Variants in BABAM2 observed in about 807,000 individuals in gnomAD.
BABAM2 encodes the protein BRISC and BRCA1-A complex member 2.
In BABAM2, 31 loss-of-function variants were observed where a neutral mutation model predicts 54.7. The observed-to-expected ratio is 0.57, with a 90% CI of 0.43 to 0.77. BABAM2 has a LOEUF of 0.77. Among genes scored for constraint, BABAM2 ranks in the 30% least tolerant of loss-of-function variants. BABAM2 has a pLI of 0.00. For synonymous variants in BABAM2, 167 were observed against 162.9 expected (o/e 1.03, Z -0.19); for missense variants, 364 against 455.8 (o/e 0.80, Z 1.83).
At chr2:28,244,437 TGTATA>T (rs1487463231) in intron 9 of BABAM2, among the ~76,000 whole-genome samples, 1 of 129,818 alleles carries the variant, frequency 7.7e-6, no homozygotes, top group Non-Finnish European at 1.7e-5. Flanking sequence ...AACTCACATT[TGTATA>T]GTATTTTATG....
intron 2 of BABAM2, among the ~76,000 whole-genome samples, chr2:27,921,393 C>T (rs533314824): frequency 2.3e-4 from 35 of 152,058 alleles, no homozygotes; most frequent in African/African-American, 8.0e-4. Flanking sequence ...TATAGTTCAC[C>T]AATTATGAGA....
At chr2:28,158,031 C>T (rs1672716253) in intron 7 of BABAM2, among the ~76,000 whole-genome samples, 1 of 152,104 alleles carries the variant, frequency 6.6e-6, no homozygotes, top group Admixed American at 6.5e-5. Context: ...AGCTTTTCTT[C>T]TATGTGTCAG....
At chr2:28,234,985 A>G (rs1681768232) in intron 7 of BABAM2, among the ~76,000 whole-genome samples, 1 of 152,266 alleles carries the variant, frequency 6.6e-6, no homozygotes, top group African/African-American at 2.4e-5. Context: ...TGCAGAATGC[A>G]GATGATTCAT....
At chr2:28,076,797 C>G (rs759675450) in intron 6 of BABAM2, among the ~76,000 whole-genome samples, 1 of 152,124 alleles carries the variant, frequency 6.6e-6, no homozygotes, top group Non-Finnish European at 1.5e-5. Flanking sequence ...GCCACCGCGC[C>G]CAGCCCATTG....
rs566251909 is a variant in BABAM2 at position 28,269,427 on chromosome 2, A to G, written c.934+24565A>G. ...TGGACTGGGGTTATCAGAAAACTCA[A>G]TCTGTCCAACCATGGATAAAAATCA... On this transcript the variant is annotated intron_variant, in intron 10 of 11. Coordinates refer to ENST00000379624, the MANE Select transcript of BABAM2 (RefSeq NM_199191.3). Among the ~76,000 whole-genome samples the G allele has an allele frequency of 2.6e-5, 4 of 152,296 alleles. No homozygotes were observed. In the East Asian group the frequency reaches 7.7e-4, roughly 29 times the overall value.
chr2:28,159,198 T>A (rs878983762), intron 7 of BABAM2, among the ~76,000 whole-genome samples: 6 of 152,230 alleles, frequency 3.9e-5, no homozygotes, highest in Admixed American at 3.9e-4. Context: ...TGTCAGACAG[T>A]CTACTGACAC....
chr2:28,083,165 C>G (rs1376638177), intron 6 of BABAM2, among the ~76,000 whole-genome samples: 1 of 152,168 alleles, frequency 6.6e-6, no homozygotes, highest in African/African-American at 2.4e-5. Flanking sequence ...TCTAAAATAT[C>G]AGTACTCTCT....
In BABAM2 at chr2:27,958,904, CTG is replaced by C. The variant is rs1185072484; in HGVS notation, c.205+29000_205+29001del. On this transcript the variant is annotated intron_variant, in intron 3 of 11. Transcript: ENST00000379624. ...GGAGTGCCTTGGGCTCAATGTGGCT[CTG>C]TGTTCGTGAGTTCTGAATCTCAAGA... Among the ~76,000 whole-genome samples the C allele has an allele frequency of 6.6e-5, 10 of 152,098 alleles. No homozygotes were observed. The East Asian group carries it at 1.9e-3, about 29-fold the overall frequency.
At chr2:28,238,828 A>G (rs1012149079) in intron 8 of BABAM2, among the ~76,000 whole-genome samples, 5 of 72,298 alleles carry the variant, frequency 6.9e-5, no homozygotes, top group Admixed American at 3.9e-4. Context: ...ATTTCTAGTC[A>G]TACATTTTCC....
intron 11 of BABAM2, among the ~76,000 whole-genome samples, chr2:28,317,166 G>C (rs986610371): frequency 6.6e-6 from 1 of 152,190 alleles, no homozygotes; most frequent in Admixed American, 6.5e-5. Context: ...TCTACCAGCC[G>C]GCTCATGGCC....
chr2:28,248,887 G>A (rs1219117311), intron 10 of BABAM2, among the ~76,000 whole-genome samples: 1 of 151,994 alleles, frequency 6.6e-6, no homozygotes, highest in African/African-American at 2.4e-5. Flanking sequence ...TGAGTTCTGA[G>A]TTTACTAAGA....
Position 28,031,992 on chromosome 2 carries a change from T to G in BABAM2, c.495+6572T>G, listed in dbSNP as rs1239097637. On this transcript the variant is annotated intron_variant, in intron 5 of 11. Coordinates refer to ENST00000379624, the MANE Select transcript of BABAM2 (RefSeq NM_199191.3). ...ATGAAATAAATGGATATTTTTTAAT[T>G]AAAACATGAAAATAGTATATTCTCT... Among the ~76,000 whole-genome samples, 4 of 152,216 alleles carry G rather than the reference T, an allele frequency of 2.6e-5. No individual in the cohort carries two copies. In the East Asian group the frequency reaches 5.8e-4, roughly 22 times the overall value.
intron 4 of BABAM2, among the ~76,000 whole-genome samples, chr2:27,997,132 C>T (rs1163880090): frequency 6.6e-6 from 1 of 151,992 alleles, no homozygotes; most frequent in Non-Finnish European, 1.5e-5. Context: ...ATAAAATGTT[C>T]AATAACAAAT....
chr2:28,076,068 A>G (rs1664630561), intron 6 of BABAM2, among the ~76,000 whole-genome samples: 1 of 152,138 alleles, frequency 6.6e-6, no homozygotes, highest in Non-Finnish European at 1.5e-5. Context: ...GTTAGAGAGC[A>G]GCCTGTGCAA....
At chr2:28,061,590 A>G (rs1260220320) in intron 6 of BABAM2, among the ~76,000 whole-genome samples, 2 of 150,762 alleles carry the variant, frequency 1.3e-5, no homozygotes, top group African/African-American at 2.4e-5. Flanking sequence ...GTCTCAAAAA[A>G]AAAAAAAAAA....
At chr2:28,226,354 A>C (rs1186612283) in intron 7 of BABAM2, among the ~76,000 whole-genome samples, 1 of 152,192 alleles carries the variant, frequency 6.6e-6, no homozygotes, top group African/African-American at 2.4e-5. Context: ...ATTGGCTTTT[A>C]ATGTTCATTT....
chr2:27,970,680 A>G (rs1671144524), intron 3 of BABAM2, among the ~76,000 whole-genome samples: 1 of 152,164 alleles, frequency 6.6e-6, no homozygotes, highest in Non-Finnish European at 1.5e-5. Context: ...ATATTTATAT[A>G]TACCCAGTTG....
rs1021755839 is a variant in BABAM2, at chr2:28,166,446, T to C, written c.680+37066T>C. ...ACAGGAAGGACACATTTTGGGGGAG[T>C]AGGGGGAGGGGTGGATGCCAAACTA... On this transcript the variant is annotated intron_variant, in intron 7 of 11. Coordinates refer to ENST00000379624, the MANE Select transcript of BABAM2 (RefSeq NM_199191.3). Among the ~76,000 whole-genome samples the C allele has an allele frequency of 4.6e-5, 7 of 151,734 alleles. No homozygotes were observed. In the East Asian group the frequency reaches 1.2e-3, roughly 25 times the overall value.
At chr2:28,195,767 C>A (rs532882513) in intron 7 of BABAM2, among the ~76,000 whole-genome samples, 1 of 152,116 alleles carries the variant, frequency 6.6e-6, no homozygotes, top group Non-Finnish European at 1.5e-5. Context: ...AATGAGAGTG[C>A]CAAGTTGGAC....
Sources: gnomAD v4.1 joint callset for allele counts (sites outside exome capture counted in the v4.1 genomes callset) on GRCh38, gnomAD v4.1.1 for gene constraint, MANE v1.5 for transcripts, NCBI Gene and HGNC (gene_info 2026-07-23, HGNC 2026-07-21) for gene names.